The following ERI1 variants were observed in gnomAD, a reference collection of about 807,000 sequenced individuals.
ERI1 encodes 3'-5' exoribonuclease 1.
A neutral mutation model predicts 39.7 loss-of-function variants in ERI1; 39 were observed. The ratio of observed to expected loss-of-function variants is 0.98; its 90% CI spans 0.76 to 1.28. ERI1 has a LOEUF of 1.28. Among genes scored for constraint, ERI1 ranks in the 50% most tolerant of loss-of-function variants. The pLI is 0.00. For synonymous variants in ERI1, 204 were observed against 149.6 expected, an observed-to-expected ratio of 1.36 and a Z score of -2.65; for missense variants, 581 against 416.9, an observed-to-expected ratio of 1.39 and a Z score of -3.43.
chr8:9,077,439 A>G (rs574603790), intron 3 of ERI1, among the ~76,000 whole-genome samples: 18 of 152,298 alleles, frequency 1.2e-4, no homozygotes, highest in Non-Finnish European at 1.8e-4. Flanking sequence ...TCATGTGCCT[A>G]TGTGCACAGG....
chr8:9,047,726 C>T (rs1798219401), intron 3 of ERI1, among the ~76,000 whole-genome samples: 1 of 55,922 alleles, frequency 1.8e-5, no homozygotes, highest in Non-Finnish European at 4.1e-5. Context: ...GAGAGTGAAG[C>T]CTGCATCTCT....
At chr8:9,033,510 A>G (rs1460196105), downstream of ERI1, among the ~76,000 whole-genome samples, 1 of 152,224 alleles carries the variant, frequency 6.6e-6, no homozygotes, top group Non-Finnish European at 1.5e-5. Flanking sequence ...AATGCAATAT[A>G]TAAGTTCCAT....
chr8:9,035,195 CTAAGT>C (rs1797803468), downstream of ERI1, among the ~76,000 whole-genome samples: 1 of 152,170 alleles, frequency 6.6e-6, no homozygotes, highest in East Asian at 1.9e-4. Context: ...TAAGATCTAG[CTAAGT>C]TATCTAGCTA....
In ERI1 at chr8:9,078,139, G is replaced by A. The variant is rs189950856; in HGVS notation, n.300-38209G>A. Among the ~76,000 whole-genome samples the A allele has an allele frequency of 9.5e-4, 145 of 152,130 alleles. 1 individual carries two copies. In the Middle Eastern group the frequency reaches 0.024, roughly 25 times the overall value. Reference sequence around the variant, plus strand: ...CGAGTAGCTGGGACGACATGCGTGCGCCACCACGCCTGGCTAATTTTTGTA... The same window carrying A: ...CGAGTAGCTGGGACGACATGCGTGCACCACCACGCCTGGCTAATTTTTGTA... On this transcript the variant is annotated intron_variant and non_coding_transcript_variant, in intron 3 of 3. Transcript: ENST00000518663.
intron 3 of ERI1, among the ~76,000 whole-genome samples, chr8:9,065,694 C>CAA (rs577584927): frequency 8.5e-5 from 7 of 82,244 alleles, no homozygotes; most frequent in African/African-American, 1.5e-4. Flanking sequence ...GACTCCATCT[C>CAA]AAAAAAAAAA....
At chr8:9,096,183 A>C (rs1247075082) in intron 3 of ERI1, among the ~76,000 whole-genome samples, 1 of 152,226 alleles carries the variant, frequency 6.6e-6, no homozygotes, top group Non-Finnish European at 1.5e-5. Context: ...ATTTGGCTTT[A>C]GCCTTGAATG....
chr8:9,004,125 G>T, intron 1 of ERI1: 5 of 1,289,282 alleles, frequency 3.9e-6, no homozygotes, highest in Non-Finnish European at 5.1e-6. Context: ...TCTCGTTAAG[G>T]ATCTCTGTAT....
chr8:9,079,291 G>T (rs1799301984), intron 3 of ERI1, among the ~76,000 whole-genome samples: 1 of 152,218 alleles, frequency 6.6e-6, no homozygotes, highest in Admixed American at 6.5e-5. Context: ...GGTAAGCCCT[G>T]ATCTCCGGAG....
Position 9,031,369 on chromosome 8 carries a change from A to G in ERI1, c.*1335A>G, listed in dbSNP as rs1055216538. On this transcript the variant is annotated 3_prime_UTR_variant, in exon 7 of 7. Coordinates refer to ENST00000250263, the MANE Select transcript of ERI1 (RefSeq NM_153332.4). ...ATTTCTGCTTTTCAGCAGTAGTCAT[A>G]TAATCAGTATCATAAAGAATAATGT... 6.6e-6 allele frequency: 1 copy of G among 152,248 alleles called. No homozygotes were observed. Among genetic ancestry groups the G allele is most frequent in the Non-Finnish European group, 1.5e-5 (1 of 68,044 alleles). The allele number at this position is 152,248 out of a possible 1,614,324, so 9.4% of individuals were successfully genotyped here.
At chr8:9,096,792 C>T (rs909817961) in intron 3 of ERI1, 8 of 138,800 alleles carry the variant, frequency 5.8e-5, no homozygotes, top group Non-Finnish European at 4.6e-5. Context: ...TCATGGCTCA[C>T]TGCAGCCTCA....
Position 9,016,325 on chromosome 8 carries a change from G to A in ERI1, c.502G>A (p.Asp168Asn), listed in dbSNP as rs776540943. 2.5e-6 allele frequency: 4 copies of A among 1,593,716 alleles called. No individual in the cohort carries two copies. Among genetic ancestry groups the A allele is most frequent in the Non-Finnish European group, 3.4e-6 (4 of 1,169,694 alleles). ...ACTTGCTATCCTTCCCTTGCAGGAAGACACGTTTCAGCAGTATGTAAGACC... is the reference window on the plus strand; with the variant it reads ...ACTTGCTATCCTTCCCTTGCAGGAAAACACGTTTCAGCAGTATGTAAGACC... The part of the protein sequence containing the change: ...LLNTHTLEIE[D>N]TFQQYVRPEI... The change falls in exon 4 of 7, where the codon GAC (aspartate) becomes AAC (asparagine). Residue 168 changes from aspartate to asparagine, a missense_variant. Asp to Asn is a conservative substitution (Grantham distance 23). Coordinates refer to ENST00000250263, the MANE Select transcript of ERI1 (RefSeq NM_153332.4).
chr8:9,072,974 C>T (rs1305506739), intron 3 of ERI1, among the ~76,000 whole-genome samples: 1 of 152,242 alleles, frequency 6.6e-6, no homozygotes, highest in African/African-American at 2.4e-5. Context: ...TGTGGTCTAG[C>T]TGCTCACTGT....
At chr8:9,026,105 G>C (rs966142443) in intron 6 of ERI1, among the ~76,000 whole-genome samples, 1 of 152,180 alleles carries the variant, frequency 6.6e-6, no homozygotes, top group Non-Finnish European at 1.5e-5. Flanking sequence ...TCATGTACCT[G>C]TGTTTTGACT....
chr8:9,071,084 G>A (rs1389642682), intron 3 of ERI1, among the ~76,000 whole-genome samples: 1 of 152,142 alleles, frequency 6.6e-6, no homozygotes, highest in Non-Finnish European at 1.5e-5. Flanking sequence ...TATCTTTCTT[G>A]GCCTGTTTGG....
Position 9,089,679 on chromosome 8 carries a change from G to C in ERI1, n.300-26669G>C, listed in dbSNP as rs192157933. 9.3e-4 allele frequency among the ~76,000 whole-genome samples: 142 copies of C among 152,236 alleles called. No individual in the cohort carries two copies. The Middle Eastern group carries it at 0.024, about 26-fold the overall frequency. The stretch of plus-strand genomic sequence containing the variant: ...AGCCCACAGATTCCAATCCTATGCT[G>C]TTCTCCCCACCTCTTCTTCACTAGC... On this transcript the variant is annotated intron_variant and non_coding_transcript_variant, in intron 3 of 3. Coordinates refer to the ERI1 transcript ENST00000518663.
At chr8:9,055,680 C>A (rs1408862831) in intron 3 of ERI1, among the ~76,000 whole-genome samples, 1 of 152,170 alleles carries the variant, frequency 6.6e-6, no homozygotes, top group East Asian at 1.9e-4. Context: ...GCTGGGATTA[C>A]AGGCACCCGC....
chr8:9,067,915 G>A (rs1023048709), intron 3 of ERI1, among the ~76,000 whole-genome samples: 3 of 137,632 alleles, frequency 2.2e-5, no homozygotes, highest in African/African-American at 8.1e-5. Context: ...AGAGAGTTAT[G>A]CTACAAATAC....
intron 1 of ERI1, among the ~76,000 whole-genome samples, chr8:9,006,261 C>T (rs190974465): frequency 1.1e-3 from 161 of 152,252 alleles, no homozygotes; most frequent in African/African-American, 3.7e-3. Flanking sequence ...TCGGCTGTCT[C>T]TAGAACTTCA....
At chr8:9,018,974 C>T (rs1024583519) in intron 5 of ERI1, among the ~76,000 whole-genome samples, 2 of 152,152 alleles carry the variant, frequency 1.3e-5, no homozygotes, top group South Asian at 2.1e-4. Context: ...TTCATGTTGA[C>T]ATCTGACCAT....
Sources: gnomAD v4.1 joint callset for allele counts (sites outside exome capture counted in the v4.1 genomes callset) on GRCh38, gnomAD v4.1.1 for gene constraint, MANE v1.5 for transcripts, NCBI Gene and HGNC (gene_info 2026-07-23, HGNC 2026-07-21) for gene names.